The following WDPCP variants were observed in gnomAD, a reference collection of about 807,000 sequenced individuals.
The protein encoded by WDPCP is WD repeat-containing and planar cell polarity effector protein fritz homolog.
A neutral mutation model predicts 93.1 loss-of-function variants in WDPCP; 71 were observed. That is an observed-to-expected ratio of 0.76 (90% CI 0.63 to 0.93). WDPCP has a LOEUF of 0.93. WDPCP is among the 40% of genes least tolerant of loss of function. The pLI, the probability that WDPCP is intolerant of heterozygous loss-of-function variation, is 0.00. For synonymous variants in WDPCP, 315 were observed against 315.0 expected (o/e 1.00, Z 0.00); for missense variants, 844 against 887.4 (o/e 0.95, Z 0.62).
chr2:63,426,795 G>C (rs1331409163), intron 9 of WDPCP, among the ~76,000 whole-genome samples: 1 of 152,138 alleles, frequency 6.6e-6, no homozygotes, highest in African/African-American at 2.4e-5. Context: ...CAAGGTCCAA[G>C]TGTTTATTGT....
In WDPCP at chr2:63,492,955, A is replaced by C; in HGVS notation, c.76-15T>G. The C allele has an allele frequency of 6.2e-7, 1 of 1,609,206 alleles. No homozygotes were observed. The highest frequency in any genetic ancestry group is 1.1e-5 in the South Asian group (1 of 90,846). On this transcript the variant is annotated splice_polypyrimidine_tract_variant and intron_variant, in intron 1 of 17. Coordinates refer to ENST00000272321, the MANE Select transcript of WDPCP (RefSeq NM_015910.7). Reference sequence around the variant, plus strand: ...GAATCTCTATCCTGTTTAAAAAATAATTAAAAAGAGGTGCCAATTAATTAT... The same window carrying C: ...GAATCTCTATCCTGTTTAAAAAATACTTAAAAAGAGGTGCCAATTAATTAT...
chr2:63,651,792 T>G (rs1474340337), intron 2 of WDPCP, among the ~76,000 whole-genome samples: 1 of 152,176 alleles, frequency 6.6e-6, no homozygotes, highest in African/African-American at 2.4e-5. Context: ...CTCAGTACTA[T>G]AACCTAACTC....
the WDPCP span, among the ~76,000 whole-genome samples, chr2:63,837,088 A>G: frequency 6.6e-6 from 1 of 152,256 alleles, no homozygotes; most frequent in Non-Finnish European, 1.5e-5. Flanking sequence ...AAATGGAAGG[A>G]TATGTCATAA....
At chr2:63,605,018 CT>C in intron 3 of WDPCP, 1 of 760,124 alleles carries the variant, frequency 1.3e-6, no homozygotes, top group Non-Finnish European at 2.1e-6. Flanking sequence ...CAGTCATGAT[CT>C]AGTGTGATCT....
chr2:63,575,489 A>ATACAGTATATATACTGTATGCACT (rs1257278044), intron 1 of WDPCP, among the ~76,000 whole-genome samples: 2 of 17,284 alleles, frequency 1.2e-4, no homozygotes, highest in Non-Finnish European at 2.5e-4. Flanking sequence ...GTGTATATAT[A>ATACAGTATATATACTGTATGCACT]GTATATACAG....
chr2:63,330,893 C>T (rs1275248111), intron 12 of WDPCP, among the ~76,000 whole-genome samples: 4 of 108,168 alleles, frequency 3.7e-5, no homozygotes, highest in Non-Finnish European at 5.4e-5. Context: ...TTTTTTGAGA[C>T]GGGGTCTTGC....
intron 12 of WDPCP, among the ~76,000 whole-genome samples, chr2:63,324,529 C>T (rs1687378032): frequency 1.3e-5 from 2 of 152,178 alleles, no homozygotes. Context: ...TTCAGATGAT[C>T]CTGATAGGTA....
chr2:63,729,561 C>T (rs1453460704), intron 2 of WDPCP, among the ~76,000 whole-genome samples: 2 of 152,166 alleles, frequency 1.3e-5, no homozygotes, highest in Non-Finnish European at 2.9e-5. Flanking sequence ...AAAGCGCTTC[C>T]TCTGAACCCT....
At chr2:63,669,603 AC>A (rs1710321307) in intron 2 of WDPCP, among the ~76,000 whole-genome samples, 1 of 151,990 alleles carries the variant, frequency 6.6e-6, no homozygotes, top group African/African-American at 2.4e-5. Flanking sequence ...CAGGTGATCC[AC>A]CCGTCTCAGC....
At chr2:63,340,355 A>C (rs1688750786) in intron 12 of WDPCP, among the ~76,000 whole-genome samples, 1 of 152,168 alleles carries the variant, frequency 6.6e-6, no homozygotes, top group South Asian at 2.1e-4. Flanking sequence ...TACCTCCTAA[A>C]GTGTGGTGCT....
chr2:63,145,178 C>CCG (rs1671397174), intron 17 of WDPCP, among the ~76,000 whole-genome samples: 1 of 152,132 alleles, frequency 6.6e-6, no homozygotes, highest in South Asian at 2.1e-4. Flanking sequence ...GTGTGATGGA[C>CCG]TCCGTGAGGG....
At chr2:63,143,235 C>G (rs191290767) in intron 17 of WDPCP, among the ~76,000 whole-genome samples, 1 of 152,126 alleles carries the variant, frequency 6.6e-6, no homozygotes, top group East Asian at 1.9e-4. Context: ...ATAAGAATAG[C>G]TGCCCCTGCT....
Position 63,684,863 on chromosome 2 carries a change from T to C in WDPCP, n.309-34025A>G, listed in dbSNP as rs545988659. On this transcript the variant is annotated intron_variant and non_coding_transcript_variant, in intron 2 of 4. Coordinates refer to the WDPCP transcript ENST00000467687. The stretch of plus-strand genomic sequence containing the variant: ...ATCACATGGAAATTAAACAATGTGC[T>C]CCTGAATAACCAGTGAGTCAATGAA... 2.0e-5 allele frequency among the ~76,000 whole-genome samples: 3 copies of C among 152,306 alleles called. No homozygotes were observed. In the East Asian group the frequency reaches 5.8e-4, roughly 29 times the overall value.
chr2:63,369,803 CT>C (rs745768181), intron 12 of WDPCP, among the ~76,000 whole-genome samples: 10 of 152,100 alleles, frequency 6.6e-5, no homozygotes, highest in Non-Finnish European at 1.3e-4. Context: ...ATGATATTCC[CT>C]TTTTAACACT....
chr2:63,714,709 C>G (rs112850673), intron 2 of WDPCP, among the ~76,000 whole-genome samples: 2,582 of 152,088 alleles, frequency 0.017, 24 homozygotes, highest in African/African-American at 0.018. Context: ...CGCACCTGTA[C>G]TCCCAGCTAC....
chr2:63,693,701 A>C (rs941019425), intron 2 of WDPCP, among the ~76,000 whole-genome samples: 4 of 152,160 alleles, frequency 2.6e-5, no homozygotes, highest in African/African-American at 9.7e-5. Context: ...AGACCTTTGA[A>C]TGTTAGGAAT....
At chr2:63,597,332 A>T in intron 3 of WDPCP, 1 of 1,309,864 alleles carries the variant, frequency 7.6e-7, no homozygotes, top group Non-Finnish European at 9.8e-7. Context: ...GGTAGATTCA[A>T]TATGAAAAAG....
intron 1 of WDPCP, among the ~76,000 whole-genome samples, chr2:63,814,490 C>T (rs142701939): frequency 6.6e-6 from 1 of 152,272 alleles, no homozygotes; most frequent in Admixed American, 6.5e-5. Flanking sequence ...CAATCCAGAG[C>T]CCTCACATTA....
intron 2 of WDPCP, among the ~76,000 whole-genome samples, chr2:63,695,431 A>T (rs1335650850): frequency 6.6e-6 from 1 of 152,220 alleles, no homozygotes; most frequent in Non-Finnish European, 1.5e-5. Flanking sequence ...CAGGTAAGCA[A>T]TGAATACTTT....
Sources: allele counts gnomAD v4.1 joint callset (sites outside exome capture counted in the v4.1 genomes callset), GRCh38; gene constraint gnomAD v4.1.1; transcripts MANE v1.5; gene names NCBI Gene and HGNC (gene_info 2026-07-23, HGNC 2026-07-21).